The following ATP9B variants were observed in gnomAD, a reference collection of about 807,000 sequenced individuals.
ATP9B encodes probable phospholipid-transporting ATPase IIB.
Under a neutral mutation model 146.1 loss-of-function variants are expected in ATP9B, and 110 were observed. The ratio of observed to expected loss-of-function variants is 0.75; its 90% CI spans 0.65 to 0.88. ATP9B has a LOEUF of 0.88. Ranked by LOEUF, ATP9B falls within the 40% of genes least tolerant of loss-of-function variation. ATP9B has a pLI of 0.00. For synonymous variants in ATP9B, 604 were observed against 569.7 expected, an observed-to-expected ratio of 1.06 and a Z score of -0.86; for missense variants, 1,499 against 1,496.4, an observed-to-expected ratio of 1.00 and a Z score of -0.03.
intron 11 of ATP9B, among the ~76,000 whole-genome samples, chr18:79,217,355 T>G (rs2095637256): frequency 6.6e-6 from 1 of 152,170 alleles, no homozygotes; most frequent in Non-Finnish European, 1.5e-5. Flanking sequence ...TGGCTAATTT[T>G]TTGTATTTTT....
chr18:79,363,286 G>A (rs1158746761), intron 26 of ATP9B: 1 of 152,186 alleles, frequency 6.6e-6, no homozygotes, highest in Non-Finnish European at 1.5e-5. Context: ...ACACTGAAGT[G>A]TACCTCTAAC....
intron 13 of ATP9B, among the ~76,000 whole-genome samples, chr18:79,291,176 T>C (rs1354524453): frequency 6.6e-6 from 1 of 152,236 alleles, no homozygotes; most frequent in African/African-American, 2.4e-5. Context: ...CAGCTTTTTT[T>C]TTTTAAGAAA....
At chr18:79,141,781 T>C (rs2094517235) in intron 5 of ATP9B, among the ~76,000 whole-genome samples, 1 of 152,336 alleles carries the variant, frequency 6.6e-6, no homozygotes, top group Non-Finnish European at 1.5e-5. Flanking sequence ...TAGGATCAGT[T>C]GTCAGCTCCG....
At chr18:79,367,872 C>T (rs1374677119) in intron 26 of ATP9B, among the ~76,000 whole-genome samples, 1 of 152,236 alleles carries the variant, frequency 6.6e-6, no homozygotes, top group Non-Finnish European at 1.5e-5. Context: ...GAGGAGCAGC[C>T]AGGTCATTAA....
rs372518072 is a variant in ATP9B, at chr18:79,327,796, C to T, written c.1774-1345C>T. 8.2e-3 allele frequency among the ~76,000 whole-genome samples: 900 copies of T among 110,098 alleles called. 34 individuals carry two copies. The highest frequency in any genetic ancestry group is 0.014 in the Admixed American group (143 of 10,414). 72.2% of individuals were successfully genotyped at this position (110,098 alleles called of 152,430 possible). On this transcript the variant is annotated intron_variant, in intron 15 of 29. Coordinates refer to ENST00000426216, the MANE Select transcript of ATP9B (RefSeq NM_198531.5). ...TAACGTGCTCTCCGTGGTTAGCGTG[C>T]TCTCCGTGGTTAGCGTGTTCTCCGT...
chr18:79,264,920 T>C (rs1160916012), intron 12 of ATP9B, among the ~76,000 whole-genome samples: 3 of 152,194 alleles, frequency 2.0e-5, no homozygotes, highest in African/African-American at 7.2e-5. Context: ...AGTTCGATGT[T>C]TGATAGAACA....
intron 26 of ATP9B, among the ~76,000 whole-genome samples, chr18:79,365,504 A>G: frequency 6.6e-6 from 1 of 152,250 alleles, no homozygotes; most frequent in East Asian, 1.9e-4. Flanking sequence ...GTTCCTAGGT[A>G]TTTCTCCAAG....
At chr18:79,346,996 G>A (rs909667892) in intron 23 of ATP9B, among the ~76,000 whole-genome samples, 1 of 152,222 alleles carries the variant, frequency 6.6e-6, no homozygotes, top group Non-Finnish European at 1.5e-5. Flanking sequence ...GCGGACTGGC[G>A]TACAGGGAGG....
At chr18:79,229,076 A>G (rs1487726479) in intron 11 of ATP9B, among the ~76,000 whole-genome samples, 1 of 152,198 alleles carries the variant, frequency 6.6e-6, no homozygotes, top group Admixed American at 6.5e-5. Flanking sequence ...TACAGTTCAC[A>G]CTTATGACTT....
intron 15 of ATP9B, among the ~76,000 whole-genome samples, chr18:79,310,580 G>A (rs2096647041): frequency 6.6e-6 from 1 of 152,156 alleles, no homozygotes; most frequent in Non-Finnish European, 1.5e-5. Flanking sequence ...AACCAGTAAT[G>A]TCATTCATCT....
intron 2 of ATP9B, among the ~76,000 whole-genome samples, chr18:79,108,437 C>T (rs1029329046): frequency 2.6e-5 from 4 of 152,180 alleles, no homozygotes; most frequent in African/African-American, 9.7e-5. Context: ...TCTTAAATCA[C>T]TTTAATACCA....
At chr18:79,193,730 C>T (rs973466602) in intron 9 of ATP9B, among the ~76,000 whole-genome samples, 7 of 152,182 alleles carry the variant, frequency 4.6e-5, no homozygotes, top group African/African-American at 1.7e-4. Flanking sequence ...AAGCACCTTG[C>T]CCCTGACTAA....
chr18:79,372,604 A>T (rs898263774), intron 26 of ATP9B: 7 of 662,044 alleles, frequency 1.1e-5, no homozygotes, highest in Non-Finnish European at 1.9e-5. Flanking sequence ...TGAACGTCTA[A>T]CCTCAGGCAC....
chr18:79,177,169 C>G (rs1490912610), intron 8 of ATP9B, among the ~76,000 whole-genome samples: 1 of 152,082 alleles, frequency 6.6e-6, no homozygotes, highest in Non-Finnish European at 1.5e-5. Context: ...CCTGCCCTTC[C>G]TCCCTGTCCT....
chr18:79,287,633 T>C (rs1372689979), intron 13 of ATP9B, among the ~76,000 whole-genome samples: 1,577 of 151,224 alleles, frequency 0.01, 31 homozygotes, highest in African/African-American at 0.037. Context: ...CTGCTCTGAT[T>C]TTAGTTATTT....
chr18:79,248,521 G>T (rs1180502729), intron 11 of ATP9B, among the ~76,000 whole-genome samples: 1 of 152,134 alleles, frequency 6.6e-6, no homozygotes, highest in Non-Finnish European at 1.5e-5. Flanking sequence ...GTCCAAATTC[G>T]AAATGAAGAA....
chr18:79,175,673 A>G (rs2095154304), intron 7 of ATP9B, among the ~76,000 whole-genome samples: 1 of 152,244 alleles, frequency 6.6e-6, no homozygotes, highest in Admixed American at 6.5e-5. Context: ...ACAGATCCTC[A>G]GGTACTTGTT....
At chr18:79,231,778 G>GTATATATATATA (rs781387419) in intron 11 of ATP9B, among the ~76,000 whole-genome samples, 2 of 121,296 alleles carry the variant, frequency 1.6e-5, no homozygotes, top group South Asian at 2.8e-4. Flanking sequence ...GTGTGTGTGT[G>GTATATATATATA]TATATATATA....
At chr18:79,175,850 A>G (rs1355186093) in intron 7 of ATP9B, among the ~76,000 whole-genome samples, 1 of 152,224 alleles carries the variant, frequency 6.6e-6, no homozygotes, top group Non-Finnish European at 1.5e-5. Flanking sequence ...ATGCACACAC[A>G]CAGATACACA....
Sources: allele counts gnomAD v4.1 joint callset (sites outside exome capture counted in the v4.1 genomes callset), GRCh38; gene constraint gnomAD v4.1.1; transcripts MANE v1.5; gene names NCBI Gene and HGNC (gene_info 2026-07-23, HGNC 2026-07-21).